NAALADL2: variants seen among roughly 807,000 people sequenced by gnomAD.
The protein encoded by NAALADL2 is inactive N-acetylated-alpha-linked acidic dipeptidase-like protein 2.
In NAALADL2, 76 loss-of-function variants were observed where a neutral mutation model predicts 87.2. The ratio of observed to expected loss-of-function variants is 0.87; its 90% CI spans 0.72 to 1.05. The LOEUF (loss-of-function observed/expected upper bound fraction) is 1.05, where lower values mean the gene tolerates loss of function less well. Among genes scored for constraint, NAALADL2 ranks in the 50% least tolerant of loss-of-function variants. The probability of loss-of-function intolerance (pLI) is 0.00; values close to 1 mark genes in which losing one functional copy is unlikely to be tolerated. For missense variants in NAALADL2, 1,089 were observed against 945.8 expected (o/e 1.15, Z -1.99); for synonymous variants, 354 against 331.0 (o/e 1.07, Z -0.75).
At position 174,943,530 on chromosome 3, in the gene NAALADL2, C is replaced by A. The variant is rs765940487; in HGVS notation, c.43+84080C>A. 6.0e-4 allele frequency among the ~76,000 whole-genome samples: 92 copies of A among 152,140 alleles called. 1 individual carries two copies. The highest frequency in any genetic ancestry group is 1.5e-4 in the Non-Finnish European group (10 of 68,004). ...TGGGATGTCCACTGCAGCTCTGGGGCAATCTCAGTGTTTATGTTCCTTCCC... is the reference window on the plus strand; with the variant it reads ...TGGGATGTCCACTGCAGCTCTGGGGAAATCTCAGTGTTTATGTTCCTTCCC... On this transcript the variant is annotated intron_variant, in intron 1 of 13. Transcript: ENST00000454872.
chr3:174,658,075 A>G (rs1220715699), intron 2 of NAALADL2, among the ~76,000 whole-genome samples: 1 of 152,176 alleles, frequency 6.6e-6, no homozygotes, highest in Non-Finnish European at 1.5e-5. Flanking sequence ...TTATGAATAA[A>G]GCTGCTAGAA....
chr3:175,317,540 T>G (rs1485862017), intron 4 of NAALADL2, among the ~76,000 whole-genome samples: 1 of 152,006 alleles, frequency 6.6e-6, no homozygotes, highest in Non-Finnish European at 1.5e-5. Flanking sequence ...CTGAACTTCC[T>G]TAGATGTTCA....
At chr3:174,963,731 T>G (rs1483005276) in intron 1 of NAALADL2, among the ~76,000 whole-genome samples, 1 of 152,188 alleles carries the variant, frequency 6.6e-6, no homozygotes, top group Non-Finnish European at 1.5e-5. Flanking sequence ...AACAAAATGT[T>G]AGACAACTGA....
chr3:175,564,127 G>A (rs760964181), intron 9 of NAALADL2, among the ~76,000 whole-genome samples: 3 of 152,020 alleles, frequency 2.0e-5, no homozygotes, highest in Non-Finnish European at 4.4e-5. Flanking sequence ...TGCCAAGTCT[G>A]CATTTTTCAA....
At chr3:174,910,193 A>C (rs1241565466) in intron 1 of NAALADL2, among the ~76,000 whole-genome samples, 1 of 151,990 alleles carries the variant, frequency 6.6e-6, no homozygotes, top group Non-Finnish European at 1.5e-5. Context: ...AGAGATCGTC[A>C]GAAGGTTAGA....
chr3:174,442,266 G>C (rs576037150), intron 1 of NAALADL2, among the ~76,000 whole-genome samples: 1 of 152,122 alleles, frequency 6.6e-6, no homozygotes, highest in South Asian at 2.1e-4. Flanking sequence ...GGAAGAGTTG[G>C]GTTTAAAACT....
At chr3:175,013,934 G>A (rs950456243) in intron 1 of NAALADL2, among the ~76,000 whole-genome samples, 1 of 152,040 alleles carries the variant, frequency 6.6e-6, no homozygotes, top group Non-Finnish European at 1.5e-5. Flanking sequence ...TCGATCTTAG[G>A]ATATTTAAGG....
At chr3:174,704,263 A>T (rs561483353) in intron 2 of NAALADL2, among the ~76,000 whole-genome samples, 2 of 152,324 alleles carry the variant, frequency 1.3e-5, no homozygotes, top group East Asian at 3.9e-4. Context: ...ATAATTGCTT[A>T]TAGCTTCCTG....
chr3:174,699,347 G>C (rs549238320), intron 2 of NAALADL2, among the ~76,000 whole-genome samples: 6 of 152,134 alleles, frequency 3.9e-5, no homozygotes, highest in Non-Finnish European at 8.8e-5. Context: ...ACAAAAATGA[G>C]TTGAGTGTGG....
chr3:174,652,584 A>G (rs1426517484), intron 2 of NAALADL2, among the ~76,000 whole-genome samples: 1 of 152,100 alleles, frequency 6.6e-6, no homozygotes, highest in Non-Finnish European at 1.5e-5. Flanking sequence ...CTTATTCACT[A>G]TCACGAGAAC....
intron 1 of NAALADL2, among the ~76,000 whole-genome samples, chr3:174,472,265 G>A (rs548872868): frequency 6.6e-6 from 1 of 152,256 alleles, no homozygotes; most frequent in South Asian, 2.1e-4. Context: ...CCAGTTTAAG[G>A]ATCATTCTCC....
At chr3:174,786,981 AAAAT>A (rs1345178207) in intron 3 of NAALADL2, among the ~76,000 whole-genome samples, 1 of 152,104 alleles carries the variant, frequency 6.6e-6, no homozygotes, top group Non-Finnish European at 1.5e-5. Context: ...AAATCAGATA[AAAAT>A]AAATCAGTTA....
Position 175,288,396 on chromosome 3 carries a change from C to T in NAALADL2, c.939+31866C>T, listed in dbSNP as rs545130803. On this transcript the variant is annotated intron_variant, in intron 4 of 13. Coordinates refer to ENST00000454872, the MANE Select transcript of NAALADL2 (RefSeq NM_207015.3). Reference sequence around the variant, plus strand: ...TGGGAAAGCAGCCTCACAGACATACCCAGATTGATGTTTAATGAAATATCT... The same window carrying T: ...TGGGAAAGCAGCCTCACAGACATACTCAGATTGATGTTTAATGAAATATCT... Among the ~76,000 whole-genome samples, 12 of 152,178 alleles carry T rather than the reference C, an allele frequency of 7.9e-5. No individual in the cohort carries two copies. The South Asian group carries it at 2.5e-3, about 32-fold the overall frequency.
intron 9 of NAALADL2, among the ~76,000 whole-genome samples, chr3:175,477,592 T>A (rs748346152): frequency 1.3e-5 from 2 of 152,152 alleles, no homozygotes; most frequent in Non-Finnish European, 2.9e-5. Flanking sequence ...CATCCTGTTA[T>A]ATCATTTTCA....
At chr3:175,466,836 C>CAA in intron 7 of NAALADL2, 143 bp from the exon 8 acceptor site, 1 of 682,974 alleles carries the variant, frequency 1.5e-6, no homozygotes, top group Non-Finnish European at 2.5e-6. Flanking sequence ...AGACAGTGAG[C>CAA]AAAAAAATTA....
At chr3:175,575,782 C>T (rs1424117899) in intron 9 of NAALADL2, among the ~76,000 whole-genome samples, 1 of 152,160 alleles carries the variant, frequency 6.6e-6, no homozygotes, top group Non-Finnish European at 1.5e-5. Context: ...GAAGCAACAA[C>T]AGCAAGCAAA....
upstream of NAALADL2, among the ~76,000 whole-genome samples, chr3:174,856,120 T>C (rs68193137): frequency 0.15 from 23,495 of 151,632 alleles, 2,076 homozygotes; most frequent in African/African-American, 0.23. Context: ...AATCCTCTCA[T>C]CTCAGTCTCT....
chr3:175,505,230 A>C (rs1730135865), intron 9 of NAALADL2, among the ~76,000 whole-genome samples: 1 of 151,244 alleles, frequency 6.6e-6, no homozygotes, highest in Non-Finnish European at 1.5e-5. Context: ...CTGCCACTGC[A>C]TCCAGGCTGG....
chr3:175,194,687 G>A (rs950032915), intron 2 of NAALADL2, among the ~76,000 whole-genome samples: 1 of 151,650 alleles, frequency 6.6e-6, no homozygotes, highest in African/African-American at 2.4e-5. Context: ...TAAAATTAAT[G>A]GCATTAATAA....
Sources: allele counts gnomAD v4.1 joint callset (sites outside exome capture counted in the v4.1 genomes callset), GRCh38; gene constraint gnomAD v4.1.1; transcripts MANE v1.5; gene names NCBI Gene and HGNC (gene_info 2026-07-23, HGNC 2026-07-21).